The following GLRA2 variants were observed in gnomAD, a reference collection of about 807,000 sequenced individuals.
The protein encoded by GLRA2 is glycine receptor alpha 2.
In GLRA2, 11 loss-of-function variants were observed where a neutral mutation model predicts 31.6. The observed-to-expected ratio is 0.35, with a 90% CI of 0.22 to 0.58. The LOEUF is 0.58. Ranked by LOEUF, GLRA2 falls within the 20% of genes least tolerant of loss-of-function variation. The pLI, the probability that GLRA2 is intolerant of heterozygous loss-of-function variation, is 0.84. For missense variants in GLRA2, 212 were observed against 351.8 expected (o/e 0.60, Z 3.18); for synonymous variants, 132 against 134.0 (o/e 0.99, Z 0.10).
chrX:14,498,430 AC>A, the GLRA2 span, among the ~76,000 whole-genome samples: 1 of 110,714 alleles, frequency 9.0e-6, no homozygotes, highest in Non-Finnish European at 1.9e-5. Flanking sequence ...GACAAACTAT[AC>A]CCCTTGATAG....
the GLRA2 span, among the ~76,000 whole-genome samples, chrX:14,493,895 A>G: frequency 3.7e-5 from 4 of 108,485 alleles, no homozygotes; most frequent in African/African-American, 1.3e-4. Flanking sequence ...GAAAATGTTT[A>G]CAGTAATATT....
At chrX:14,570,773 A>G (rs1314754933) in intron 2 of GLRA2, among the ~76,000 whole-genome samples, 1 of 112,004 alleles carries the variant, frequency 8.9e-6, no homozygotes, top group East Asian at 2.8e-4. Context: ...CATAGTTATA[A>G]TTTTACATGG....
chrX:14,575,480 G>A (rs1031815410), intron 3 of GLRA2, among the ~76,000 whole-genome samples: 8 of 110,747 alleles, frequency 7.2e-5, no homozygotes, highest in African/African-American at 2.0e-4. Context: ...GATTACAGGC[G>A]TGAGCCACCA....
intron 2 of GLRA2, among the ~76,000 whole-genome samples, chrX:14,554,036 A>G (rs2089605530): frequency 8.9e-6 from 1 of 112,255 alleles, no homozygotes; most frequent in South Asian, 3.7e-4. Flanking sequence ...ATACAGAAGG[A>G]CTTCAATAAA....
chrX:14,486,051 G>T, the GLRA2 span, among the ~76,000 whole-genome samples: 8 of 111,645 alleles, frequency 7.2e-5, no homozygotes, highest in Non-Finnish European at 9.4e-5. Flanking sequence ...CACTGGTATT[G>T]TCTCAGGACT....
intron 7 of GLRA2, among the ~76,000 whole-genome samples, chrX:14,623,453 T>C (rs2090546981): frequency 9.0e-6 from 1 of 111,102 alleles, no homozygotes; most frequent in African/African-American, 3.3e-5. Context: ...TGCTTCCAGT[T>C]TTTGCCCATT....
At chrX:14,599,823 T>C (rs2090247794) in intron 4 of GLRA2, among the ~76,000 whole-genome samples, 1 of 111,342 alleles carries the variant, frequency 9.0e-6, no homozygotes, top group South Asian at 3.7e-4. Flanking sequence ...AAGGAAAAAA[T>C]AAGTAGCGGG....
chrX:14,587,781 T>C (rs2090096373), intron 4 of GLRA2, among the ~76,000 whole-genome samples: 1 of 112,161 alleles, frequency 8.9e-6, no homozygotes, highest in Non-Finnish European at 1.9e-5. Context: ...GTGAAGAAGC[T>C]CTTTGGTTTA....
chrX:14,483,367 G>C, the GLRA2 span, among the ~76,000 whole-genome samples: 1 of 112,159 alleles, frequency 8.9e-6, no homozygotes, highest in Admixed American at 9.4e-5. Context: ...TGCTACCTGT[G>C]TGACTTAGGC....
chrX:14,711,968 G>A (rs767910123), intron 8 of GLRA2, among the ~76,000 whole-genome samples: 14 of 112,674 alleles, frequency 1.2e-4, no homozygotes, highest in East Asian at 8.3e-4. Context: ...AATCTTCCGC[G>A]ATTAAGATGC....
intron 7 of GLRA2, among the ~76,000 whole-genome samples, chrX:14,673,338 A>G (rs1413934806): frequency 8.9e-6 from 1 of 111,994 alleles, no homozygotes; most frequent in Admixed American, 9.4e-5. Context: ...TTTGTACTCC[A>G]GAATCACCCA....
chrX:14,503,847 C>T, the GLRA2 span, among the ~76,000 whole-genome samples: 1 of 111,837 alleles, frequency 8.9e-6, no homozygotes, highest in Non-Finnish European at 1.9e-5. Context: ...GCCCAGGCAT[C>T]TTAAATTTAA....
At chrX:14,511,514 A>G in the GLRA2 span, among the ~76,000 whole-genome samples, 2 of 112,023 alleles carry the variant, frequency 1.8e-5, no homozygotes, top group African/African-American at 6.5e-5. Context: ...GTAACTTAAA[A>G]GTTGAATTAG....
intron 7 of GLRA2, among the ~76,000 whole-genome samples, chrX:14,641,280 AT>A (rs944591383): frequency 9.0e-6 from 1 of 111,628 alleles, no homozygotes; most frequent in African/African-American, 3.3e-5. Flanking sequence ...GTTCTACATG[AT>A]TTTAATAAAA....
the GLRA2 span, among the ~76,000 whole-genome samples, chrX:14,488,294 C>T: frequency 1.2e-4 from 13 of 112,180 alleles, no homozygotes; most frequent in Admixed American, 1.0e-3. Context: ...TATCCTTAGG[C>T]CAAACTTCCA....
intron 8 of GLRA2, among the ~76,000 whole-genome samples, chrX:14,704,482 T>C (rs2091592116): frequency 8.9e-6 from 1 of 112,323 alleles, no homozygotes. Flanking sequence ...GACAGAAAAG[T>C]CTGGTGCTTC....
intron 7 of GLRA2, among the ~76,000 whole-genome samples, chrX:14,643,029 A>AT (rs1277718593): frequency 8.9e-6 from 1 of 111,853 alleles, no homozygotes; most frequent in African/African-American, 3.2e-5. Context: ...CATAAGAGAG[A>AT]TTCAGCTGTG....
intron 4 of GLRA2, among the ~76,000 whole-genome samples, chrX:14,586,300 A>G (rs2090080028): frequency 1.8e-5 from 2 of 112,283 alleles, no homozygotes; most frequent in Non-Finnish European, 3.8e-5. Flanking sequence ...TAAACCTTTT[A>G]TCCAGTGATG....
the GLRA2 span, among the ~76,000 whole-genome samples, chrX:14,514,431 G>C: frequency 9.0e-6 from 1 of 110,816 alleles, no homozygotes; most frequent in Non-Finnish European, 1.9e-5. Flanking sequence ...AAAAAGAAAA[G>C]AGAAAGAAAC....
Sources: gnomAD v4.1 joint callset for allele counts (sites outside exome capture counted in the v4.1 genomes callset) on GRCh38, gnomAD v4.1.1 for gene constraint, MANE v1.5 for transcripts, NCBI Gene and HGNC (gene_info 2026-07-23, HGNC 2026-07-21) for gene names.